Variants in ANO10 observed in about 807,000 individuals in gnomAD.
ANO10 encodes anoctamin-10.
ANO10 carries 77 observed loss-of-function variants against 74.7 expected under a neutral mutation model. The ratio of observed to expected loss-of-function variants is 1.03; its 90% CI spans 0.86 to 1.25. ANO10 has a LOEUF of 1.25. Ranked by LOEUF, ANO10 falls within the 50% of genes most tolerant of loss-of-function variation. ANO10 has a pLI of 0.00. For missense variants in ANO10, 721 were observed against 778.1 expected (o/e 0.93, Z 0.87); for synonymous variants, 279 against 284.9 (o/e 0.98, Z 0.21).
intron 7 of ANO10, among the ~76,000 whole-genome samples, chr3:43,566,712 T>C (rs951444242): frequency 1.3e-5 from 2 of 152,058 alleles, no homozygotes; most frequent in Non-Finnish European, 2.9e-5. Context: ...AGACCAAAAG[T>C]AGATAAAACC....
At chr3:43,574,388 A>G (rs186325266) in intron 7 of ANO10, among the ~76,000 whole-genome samples, 3 of 151,294 alleles carry the variant, frequency 2.0e-5, no homozygotes, top group African/African-American at 2.4e-5. Context: ...CTCCTGCCTC[A>G]GCTTCCCAAG....
At chr3:43,577,470 C>G (rs140597689) in intron 5 of ANO10, among the ~76,000 whole-genome samples, 1 of 152,140 alleles carries the variant, frequency 6.6e-6, no homozygotes, top group Non-Finnish European at 1.5e-5. Context: ...GGTTAGGGGC[C>G]AGGCCTTAGC....
At chr3:43,485,245 G>A in intron 11 of ANO10, 1 of 641,294 alleles carries the variant, frequency 1.6e-6, no homozygotes, top group Non-Finnish European at 2.8e-6. Context: ...GAGTCATAGT[G>A]AGAGGCAGGA....
intron 12 of ANO10, among the ~76,000 whole-genome samples, chr3:43,369,740 G>A (rs900423578): frequency 5.3e-5 from 8 of 152,184 alleles, no homozygotes; most frequent in Admixed American, 3.9e-4. Flanking sequence ...ATCCCCAGCT[G>A]GAAGACCCTA....
At chr3:43,596,963 A>T (rs1315604352) in intron 4 of ANO10, among the ~76,000 whole-genome samples, 1 of 152,246 alleles carries the variant, frequency 6.6e-6, no homozygotes, top group Non-Finnish European at 1.5e-5. Context: ...GGATATGAAC[A>T]GACATTTCTC....
chr3:43,440,451 A>G (rs565269327), intron 11 of ANO10, among the ~76,000 whole-genome samples: 75 of 152,330 alleles, frequency 4.9e-4, no homozygotes, highest in African/African-American at 1.6e-3. Flanking sequence ...CTGTTATAAG[A>G]GACAAATGAG....
At chr3:43,506,263 C>T (rs2077291110) in intron 11 of ANO10, among the ~76,000 whole-genome samples, 1 of 151,720 alleles carries the variant, frequency 6.6e-6, no homozygotes, top group Non-Finnish European at 1.5e-5. Flanking sequence ...TCTTTTGTTA[C>T]CCCTCACCTC....
chr3:43,561,016 C>T (rs996194968), intron 9 of ANO10, among the ~76,000 whole-genome samples: 6 of 152,208 alleles, frequency 3.9e-5, no homozygotes, highest in African/African-American at 7.2e-5. Context: ...TGTCATTATG[C>T]GTAACTTTAG....
intron 1 of ANO10, among the ~76,000 whole-genome samples, chr3:43,608,173 CAA>C (rs1346157990): frequency 1.3e-5 from 2 of 151,886 alleles, no homozygotes; most frequent in African/African-American, 4.8e-5. Context: ...TCAGAAAAGC[CAA>C]GAGAGAGAAA....
chr3:43,405,942 C>T (rs982366446), intron 12 of ANO10, among the ~76,000 whole-genome samples: 1 of 152,144 alleles, frequency 6.6e-6, no homozygotes, highest in African/African-American at 2.4e-5. Flanking sequence ...TTAATTTACT[C>T]CAAGTTGCAT....
chr3:43,520,454 G>C (rs1323775281), intron 11 of ANO10, among the ~76,000 whole-genome samples: 2 of 152,230 alleles, frequency 1.3e-5, no homozygotes, highest in Non-Finnish European at 2.9e-5. Flanking sequence ...CCACAGCATG[G>C]AGTCCAAACT....
chr3:43,427,780 C>A (rs1369447732), intron 12 of ANO10, among the ~76,000 whole-genome samples: 1 of 152,162 alleles, frequency 6.6e-6, no homozygotes, highest in Non-Finnish European at 1.5e-5. Flanking sequence ...ATTCTCCATC[C>A]TAGAAATGGC....
At chr3:43,579,851 G>T (rs1464836601) in intron 5 of ANO10, among the ~76,000 whole-genome samples, 3 of 152,052 alleles carry the variant, frequency 2.0e-5, no homozygotes, top group Non-Finnish European at 4.4e-5. Context: ...CTGATCTATG[G>T]TAGTATTAGA....
rs564667632 is a variant in ANO10, at chr3:43,403,865, GT to G, written c.1914+28745del. ...GTACCTGTGGTGGACACACCCTAGG[GT>G]AAGTCCTAGGCCCTGCTCCCCCCAC... On this transcript the variant is annotated intron_variant, in intron 12 of 12. Coordinates refer to ENST00000292246, the MANE Select transcript of ANO10 (RefSeq NM_018075.5). 3.5e-3 allele frequency among the ~76,000 whole-genome samples: 537 copies of G among 152,140 alleles called. 1 individual carries two copies. The highest frequency in any genetic ancestry group is 4.7e-3 in the Non-Finnish European group (322 of 68,008).
chr3:43,399,594 T>C (rs2092442821), intron 12 of ANO10, among the ~76,000 whole-genome samples: 1 of 152,214 alleles, frequency 6.6e-6, no homozygotes, highest in East Asian at 1.9e-4. Flanking sequence ...ATGAGTAGCT[T>C]CCAGAGGTTT....
At chr3:43,642,618 G>A (rs1225809683) in intron 1 of ANO10, among the ~76,000 whole-genome samples, 3 of 151,924 alleles carry the variant, frequency 2.0e-5, no homozygotes, top group Non-Finnish European at 4.4e-5. Flanking sequence ...AAAAATACAC[G>A]AAAAGGTAAC....
chr3:43,688,886 T>C (rs985442559), intron 1 of ANO10, among the ~76,000 whole-genome samples: 4 of 151,386 alleles, frequency 2.6e-5, no homozygotes, highest in Admixed American at 2.6e-4. Flanking sequence ...GGGTAATTTA[T>C]AAAGAAAGGT....
intron 11 of ANO10, among the ~76,000 whole-genome samples, chr3:43,531,603 T>C (rs530838277): frequency 6.6e-6 from 1 of 152,256 alleles, no homozygotes; most frequent in Admixed American, 6.5e-5. Flanking sequence ...AATTAAAGCA[T>C]AATCATGAGG....
At chr3:43,530,559 G>A (rs774667794) in intron 11 of ANO10, among the ~76,000 whole-genome samples, 18 of 151,720 alleles carry the variant, frequency 1.2e-4, no homozygotes, top group Non-Finnish European at 2.2e-4. Context: ...TCAGATACCC[G>A]TGGTCAACTG....
Sources: allele counts gnomAD v4.1 joint callset (sites outside exome capture counted in the v4.1 genomes callset), GRCh38; gene constraint gnomAD v4.1.1; transcripts MANE v1.5; gene names NCBI Gene and HGNC (gene_info 2026-07-23, HGNC 2026-07-21).